UNC13B: variants seen among roughly 807,000 people sequenced by gnomAD.
The protein encoded by UNC13B is unc-13 homolog B.
UNC13B carries 144 observed loss-of-function variants against 211.0 expected under a neutral mutation model. That is an observed-to-expected ratio of 0.68 (90% confidence interval 0.60 to 0.78). The LOEUF (loss-of-function observed/expected upper bound fraction) is 0.78, where lower values mean the gene tolerates loss of function less well. Among genes scored for constraint, UNC13B ranks in the 30% least tolerant of loss-of-function variants. The probability of loss-of-function intolerance (pLI) is 0.00; values close to 1 mark genes in which losing one functional copy is unlikely to be tolerated. For synonymous variants in UNC13B, 709 were observed against 725.8 expected, an observed-to-expected ratio of 0.98 and a Z score of 0.37; for missense variants, 1,777 against 2,002.0, an observed-to-expected ratio of 0.89 and a Z score of 2.14.
rs775468232 is a variant in UNC13B, at chr9:35,295,799, C to T, written c.630C>T (p.Asn210=). 9.9e-6 allele frequency: 16 copies of T among 1,614,176 alleles called. No individual in the cohort carries two copies. In the East Asian group the frequency reaches 1.8e-4, roughly 18 times the overall value. ...PPPYHTASQP[N]ASVHQFPVPV... ...CTTACCATACAGCTTCCCAGCCCAA[C>T]GCTTCTGTGCACCAGTTCCCTGTGC... The change falls in exon 8 of 40, where the codon AAC becomes AAT. Residue 210 remains asparagine, a synonymous_variant. Transcript: ENST00000635942.
At chr9:35,218,847 T>A (rs7027317) in intron 1 of UNC13B, among the ~76,000 whole-genome samples, 22,060 of 151,914 alleles carry the variant, frequency 0.15, 1,863 homozygotes, top group Admixed American at 0.25. Flanking sequence ...CTTCCCGGGT[T>A]CAAGTGATTC....
At chr9:35,176,001 GGTTGACAA>G in intron 1 of UNC13B, among the ~76,000 whole-genome samples, 1 of 142,666 alleles carries the variant, frequency 7.0e-6, no homozygotes, top group African/African-American at 2.6e-5. Flanking sequence ...ACTCCAGCCT[GGTTGACAA>G]AGTAAGACTC....
intron 1 of UNC13B, among the ~76,000 whole-genome samples, chr9:35,209,885 T>C (rs1823872005): frequency 6.6e-6 from 1 of 152,206 alleles, no homozygotes; most frequent in East Asian, 1.9e-4. Flanking sequence ...TATGTTTCCC[T>C]TCTAGTGGAC....
intron 1 of UNC13B, among the ~76,000 whole-genome samples, chr9:35,223,400 G>A (rs1038700152): frequency 1.3e-4 from 20 of 152,194 alleles, no homozygotes; most frequent in African/African-American, 4.8e-4. Flanking sequence ...ACTGGGGTGA[G>A]ATGATAGCTC....
At chr9:35,202,819 G>C (rs1587362768) in intron 1 of UNC13B, among the ~76,000 whole-genome samples, 1 of 147,260 alleles carries the variant, frequency 6.8e-6, no homozygotes, top group African/African-American at 2.5e-5. Context: ...TTGAGACAGA[G>C]TCTCGCTCTG....
At chr9:35,350,957 C>T (rs184840435) in intron 11 of UNC13B, among the ~76,000 whole-genome samples, 2 of 152,346 alleles carry the variant, frequency 1.3e-5, no homozygotes, top group African/African-American at 4.8e-5. Flanking sequence ...ATTTCTGAGC[C>T]AGACTCCTAG....
rs768444404 is a variant in UNC13B at position 35,377,486 on chromosome 9, G to A, written c.9854G>A (p.Cys3285Tyr). The change falls in exon 16 of 40, where the codon TGT becomes TAT. Residue 3285 changes from cysteine (C) to tyrosine (Y), a missense_variant. Cys to Tyr is a radical substitution (Grantham distance 194). Transcript: ENST00000635942. ...CCTTCAGGGGCTGCAGAAAAGAGCT[G>A]TAAACATGGAGCTGAGGACCGGACC... The part of the protein sequence containing the change: ...DCLQRAAEKS[C>Y]KHGAEDRTQN... The A allele has an allele frequency of 9.3e-6, 15 of 1,614,124 alleles. 1 individual carries two copies. In the Admixed American group the frequency reaches 1.7e-4, roughly 18 times the overall value.
intron 6 of UNC13B, among the ~76,000 whole-genome samples, chr9:35,251,358 G>T (rs1826476118): frequency 6.6e-6 from 1 of 152,138 alleles, no homozygotes; most frequent in Non-Finnish European, 1.5e-5. Flanking sequence ...GGGCCGAGGT[G>T]GTCAGACCAC....
intron 1 of UNC13B, among the ~76,000 whole-genome samples, chr9:35,219,143 A>C (rs928193049): frequency 1.3e-5 from 2 of 152,176 alleles, no homozygotes; most frequent in Non-Finnish European, 2.9e-5. Context: ...AAATTTAAAA[A>C]ATTCTATAGA....
intron 6 of UNC13B, among the ~76,000 whole-genome samples, chr9:35,249,369 TTGTTACTTG>T (rs2131584119): frequency 6.6e-6 from 1 of 152,332 alleles, no homozygotes; most frequent in South Asian, 2.1e-4. Context: ...AAGGTTAATA[TTGTTACTTG>T]TGAATTTGAT....
In UNC13B at chr9:35,286,620, G is replaced by A. The variant is rs185803038; in HGVS notation, c.527-9076G>A. ...CCTGTCTGTAATCCCAGCACTTTGG[G>A]AGGCTGAAGCAGTAGGATGACTCCA... On this transcript the variant is annotated intron_variant, in intron 7 of 39. Transcript: ENST00000635942. Among the ~76,000 whole-genome samples, 628 of 152,134 alleles carry A rather than the reference G, an allele frequency of 4.1e-3. 4 individuals carry two copies. The highest frequency in any genetic ancestry group is 0.024 in the Middle Eastern group (7 of 294).
intron 1 of UNC13B, among the ~76,000 whole-genome samples, chr9:35,222,197 C>T (rs1824603524): frequency 6.6e-6 from 1 of 151,956 alleles, no homozygotes; most frequent in Non-Finnish European, 1.5e-5. Flanking sequence ...AAAAAAATGC[C>T]TGCTAGAATT....
chr9:35,403,632 G>A, intron 39 of UNC13B, 33 bp downstream of exon 39: 1 of 1,464,472 alleles, frequency 6.8e-7, no homozygotes. Flanking sequence ...AGGACTCTGG[G>A]ATGGGGGTAA....
chr9:35,390,939 C>T (rs1039025171), intron 26 of UNC13B, among the ~76,000 whole-genome samples: 1 of 152,212 alleles, frequency 6.6e-6, no homozygotes, highest in East Asian at 1.9e-4. Flanking sequence ...TTCCTCCTTC[C>T]AGCTTTGGAG....
At chr9:35,354,948 G>T (rs1001628261) in intron 11 of UNC13B, among the ~76,000 whole-genome samples, 1 of 152,112 alleles carries the variant, frequency 6.6e-6, no homozygotes, top group Admixed American at 6.5e-5. Flanking sequence ...TATGGACAAG[G>T]CTATTTTTGA....
rs967137369 is a variant in UNC13B at position 35,217,387 on chromosome 9, G to T, written c.23-10628G>T. Reference sequence around the variant, plus strand: ...GCCTACTATCATTTCTTGTTTGTTTGTTTTTTTTGTTTTTTTTTTTTTTGA... The same window carrying T: ...GCCTACTATCATTTCTTGTTTGTTTTTTTTTTTTGTTTTTTTTTTTTTTGA... On this transcript the variant is annotated intron_variant, in intron 1 of 39. Transcript: ENST00000635942. 2.7e-4 allele frequency among the ~76,000 whole-genome samples: 40 copies of T among 146,228 alleles called. 1 individual carries two copies. In the South Asian group the frequency reaches 3.9e-3, roughly 14 times the overall value.
In UNC13B at chr9:35,251,346, G is replaced by C. The variant is rs879161559; in HGVS notation, c.469-7647G>C. Among the ~76,000 whole-genome samples the C allele has an allele frequency of 5.9e-5, 9 of 152,136 alleles. No homozygotes were observed. The South Asian group carries it at 1.9e-3, about 32-fold the overall frequency. On this transcript the variant is annotated intron_variant, in intron 6 of 39. Coordinates refer to ENST00000635942, the MANE Select transcript of UNC13B (RefSeq NM_001371189.2). The stretch of plus-strand genomic sequence containing the variant: ...CATGCCAGTAATCCCAGCACTCTGG[G>C]GGGGCCGAGGTGGTCAGACCACTTG...
chr9:35,257,324 A>AAAATATTTATATAAATATTTATAT (rs1564097651), intron 6 of UNC13B, among the ~76,000 whole-genome samples: 6 of 120,050 alleles, frequency 5.0e-5, no homozygotes, highest in African/African-American at 6.7e-5. Flanking sequence ...AATATTTATA[A>AAAATATTTATATAAATATTTATAT]AAATATTTAT....
chr9:35,235,553 C>T (rs1038276109), intron 3 of UNC13B, among the ~76,000 whole-genome samples: 2 of 152,050 alleles, frequency 1.3e-5, no homozygotes, highest in African/African-American at 4.8e-5. Flanking sequence ...ATTCTTGTGC[C>T]TCAGCCTCCC....
Sources: gnomAD v4.1 joint callset for allele counts (sites outside exome capture counted in the v4.1 genomes callset) on GRCh38, gnomAD v4.1.1 for gene constraint, MANE v1.5 for transcripts, NCBI Gene and HGNC (gene_info 2026-07-23, HGNC 2026-07-21) for gene names.